The following SGCZ variants were observed in gnomAD, a reference collection of about 807,000 sequenced individuals.
SGCZ encodes zeta-sarcoglycan.
Under a neutral mutation model 41.3 loss-of-function variants are expected in SGCZ, and 40 were observed. The observed-to-expected ratio is 0.97, with a 90% confidence interval of 0.75 to 1.26. The LOEUF (loss-of-function observed/expected upper bound fraction) is 1.26. SGCZ is among the 50% of genes most tolerant of loss of function. The probability of loss-of-function intolerance (pLI) is 0.00; values close to 1 mark genes in which losing one functional copy is unlikely to be tolerated. For synonymous variants in SGCZ, 206 were observed against 137.5 expected, an observed-to-expected ratio of 1.50 and a Z score of -3.49; for missense variants, 552 against 369.8, an observed-to-expected ratio of 1.49 and a Z score of -4.04.
rs1181919961 is a variant in SGCZ at position 14,975,809 on chromosome 8, A to ATATATATGTGTG, written c.39+261775_39+261776insCACACATATATA. Among the ~76,000 whole-genome samples, 1,217 of 131,774 alleles carry ATATATATGTGTG rather than the reference A, an allele frequency of 9.2e-3. 11 individuals carry two copies. The highest frequency in any genetic ancestry group is 0.03 in the African/African-American group (884 of 29,500). The allele number at this position is 131,774 out of a possible 152,430, so 86.4% of individuals were successfully genotyped here. On this transcript the variant is annotated intron_variant, in intron 1 of 7. Transcript: ENST00000382080. ...CACTTTTATATATATATATATATATATGTGTGTGTGTGTGTAGAAATAGTT... is the reference window on the plus strand; with the variant it reads ...CACTTTTATATATATATATATATATATATATATGTGTGTGTGTGTGTGTGTGTAGAAATAGTT...
intron 2 of SGCZ, among the ~76,000 whole-genome samples, chr8:14,413,658 A>T (rs1799419686): frequency 6.6e-6 from 1 of 152,024 alleles, no homozygotes; most frequent in Non-Finnish European, 1.5e-5. Context: ...TCAACATTTT[A>T]AAAATAAAGC....
At chr8:14,362,416 G>A (rs970121335) in intron 2 of SGCZ, among the ~76,000 whole-genome samples, 11 of 152,156 alleles carry the variant, frequency 7.2e-5, no homozygotes, top group African/African-American at 1.2e-4. Flanking sequence ...ACGCCCCAAC[G>A]CCAGCCAAGC....
intron 2 of SGCZ, among the ~76,000 whole-genome samples, chr8:14,399,361 C>T (rs1034754583): frequency 3.9e-5 from 6 of 152,112 alleles, no homozygotes; most frequent in African/African-American, 1.2e-4. Flanking sequence ...CAGGCCTGGG[C>T]ATCCACTTGC....
chr8:15,061,661 T>C (rs1804940096), intron 1 of SGCZ, among the ~76,000 whole-genome samples: 1 of 151,138 alleles, frequency 6.6e-6, no homozygotes, highest in Non-Finnish European at 1.5e-5. Context: ...TCTTGCCATG[T>C]GAGGATACCA....
chr8:14,947,288 A>C (rs2130829834), intron 1 of SGCZ, among the ~76,000 whole-genome samples: 1 of 152,326 alleles, frequency 6.6e-6, no homozygotes, highest in South Asian at 2.1e-4. Flanking sequence ...AGTGAGGTAA[A>C]TCTCTGGATT....
rs374910045 is a variant in SGCZ at position 14,719,326 on chromosome 8, G to A, written c.40-164400C>T. On this transcript the variant is annotated intron_variant, in intron 1 of 7. Coordinates refer to ENST00000382080, the MANE Select transcript of SGCZ (RefSeq NM_139167.4). Reference sequence around the variant, plus strand: ...CCACAATAAACATACGTGTGCATGTGTCTTTATAGCAGCATGATTTATAGT... The same window carrying A: ...CCACAATAAACATACGTGTGCATGTATCTTTATAGCAGCATGATTTATAGT... 3.3e-5 allele frequency among the ~76,000 whole-genome samples: 5 copies of A among 150,220 alleles called. No individual in the cohort carries two copies. In the East Asian group the frequency reaches 6.0e-4, roughly 18 times the overall value.
intron 1 of SGCZ, among the ~76,000 whole-genome samples, chr8:15,216,223 CTTTTTT>C (rs34383864): frequency 2.4e-5 from 3 of 125,940 alleles, no homozygotes; most frequent in Non-Finnish European, 4.7e-5. Flanking sequence ...CTTTTTTTTT[CTTTTTT>C]TTTTTTTTTT....
chr8:14,959,022 A>G (rs1261344514), intron 1 of SGCZ, among the ~76,000 whole-genome samples: 1 of 152,156 alleles, frequency 6.6e-6, no homozygotes, highest in East Asian at 1.9e-4. Context: ...ACTACATAGT[A>G]AAACAAACAT....
chr8:15,208,894 C>CATATATATAT (rs149822249), intron 1 of SGCZ, among the ~76,000 whole-genome samples: 305 of 146,204 alleles, frequency 2.1e-3, no homozygotes, highest in African/African-American at 6.0e-3. Context: ...TATCCCTATA[C>CATATATATAT]ATATATATAG....
intron 2 of SGCZ, among the ~76,000 whole-genome samples, chr8:14,510,782 G>T (rs986374087): frequency 6.6e-6 from 1 of 152,118 alleles, no homozygotes; most frequent in African/African-American, 2.4e-5. Context: ...ATCGCATTTT[G>T]CTCCTTTGAG....
intron 1 of SGCZ, among the ~76,000 whole-genome samples, chr8:15,046,430 G>A (rs1178786746): frequency 6.6e-6 from 1 of 151,696 alleles, no homozygotes; most frequent in Admixed American, 6.6e-5. Flanking sequence ...ACTTTTCTAT[G>A]AGTTGTAATC....
chr8:14,423,966 A>G (rs1404311897), intron 2 of SGCZ, among the ~76,000 whole-genome samples: 4 of 152,188 alleles, frequency 2.6e-5, no homozygotes, highest in African/African-American at 9.7e-5. Context: ...AAACAGAAGA[A>G]CTAAAGTGTT....
At chr8:14,135,819 G>C (rs1300595857) in intron 5 of SGCZ, among the ~76,000 whole-genome samples, 1 of 151,944 alleles carries the variant, frequency 6.6e-6, no homozygotes, top group African/African-American at 2.4e-5. Context: ...TATGAGATTG[G>C]TAGTACCCTG....
intron 5 of SGCZ, among the ~76,000 whole-genome samples, chr8:14,150,582 T>G (rs1252956969): frequency 6.6e-6 from 1 of 152,080 alleles, no homozygotes; most frequent in East Asian, 1.9e-4. Flanking sequence ...GGAATGTAAA[T>G]TAGTAAAACC....
At chr8:14,579,938 G>T (rs559542197) in intron 1 of SGCZ, among the ~76,000 whole-genome samples, 1 of 152,242 alleles carries the variant, frequency 6.6e-6, no homozygotes, top group East Asian at 1.9e-4. Context: ...TTTAAGATTA[G>T]TATATTTGTT....
chr8:14,651,579 ACACT>A (rs1218365846), intron 1 of SGCZ, among the ~76,000 whole-genome samples: 1 of 152,034 alleles, frequency 6.6e-6, no homozygotes, highest in African/African-American at 2.4e-5. Context: ...TTCACTACGC[ACACT>A]CACTCAGAAT....
intron 1 of SGCZ, among the ~76,000 whole-genome samples, chr8:14,740,962 A>G (rs187510249): frequency 8.3e-4 from 126 of 152,138 alleles, no homozygotes; most frequent in Non-Finnish European, 5.9e-5. Context: ...TGCAACATAT[A>G]CCATCCATCA....
intron 1 of SGCZ, among the ~76,000 whole-genome samples, chr8:14,888,972 T>G (rs2130738368): frequency 6.6e-6 from 1 of 152,242 alleles, no homozygotes; most frequent in African/African-American, 2.4e-5. Flanking sequence ...AGATCCAAAA[T>G]ATTATCTAGC....
chr8:14,593,056 C>A (rs1805289727), intron 1 of SGCZ, among the ~76,000 whole-genome samples: 1 of 152,030 alleles, frequency 6.6e-6, no homozygotes, highest in Non-Finnish European at 1.5e-5. Flanking sequence ...CCACACCTGC[C>A]CTGGTGTGGT....
Sources: gnomAD v4.1 joint callset for allele counts (sites outside exome capture counted in the v4.1 genomes callset) on GRCh38, gnomAD v4.1.1 for gene constraint, MANE v1.5 for transcripts, NCBI Gene and HGNC (gene_info 2026-07-23, HGNC 2026-07-21) for gene names.